MOGAT2: variants seen among roughly 807,000 people sequenced by gnomAD.
MOGAT2 encodes the protein 2-acylglycerol O-acyltransferase 2.
A neutral mutation model predicts 31.5 loss-of-function variants in MOGAT2; 27 were observed. That is an observed-to-expected ratio of 0.86 (90% confidence interval 0.63 to 1.18). The LOEUF (loss-of-function observed/expected upper bound fraction) is 1.18. Among genes scored for constraint, MOGAT2 ranks in the 50% most tolerant of loss-of-function variants. The pLI is 0.00. For missense variants in MOGAT2, 436 were observed against 433.2 expected (o/e 1.01, Z -0.06); for synonymous variants, 163 against 170.0 (o/e 0.96, Z 0.32).
chr11:75,721,313 C>A (rs752457389), intron 2 of MOGAT2, among the ~76,000 whole-genome samples: 1 of 151,564 alleles, frequency 6.6e-6, no homozygotes. Context: ...GATGGAGTCT[C>A]GCTCTGTCAC....
At chr11:75,729,379 A>T (rs1320601377) in intron 5 of MOGAT2, among the ~76,000 whole-genome samples, 3 of 151,996 alleles carry the variant, frequency 2.0e-5, no homozygotes, top group Non-Finnish European at 2.9e-5. Context: ...GGTTCAAGAG[A>T]TTCTCATGCC....
intron 5 of MOGAT2, 64 bp from the exon 6 acceptor site, chr11:75,731,068 G>T: frequency 6.8e-7 from 1 of 1,464,832 alleles, no homozygotes; most frequent in Non-Finnish European, 9.4e-7. Context: ...AACCATGGGG[G>T]TGGGCACCTG....
At chr11:75,729,129 A>C (rs1277304364) in intron 5 of MOGAT2, 140 bp downstream of exon 5, 1 of 769,868 alleles carries the variant, frequency 1.3e-6, no homozygotes, top group Admixed American at 2.4e-5. Context: ...TACACACACA[A>C]GCAGATAGAA....
Position 75,727,617 on chromosome 11 carries a change from C to T in MOGAT2, c.453C>T (p.Phe151=), listed in dbSNP as rs755382086. The T allele has an allele frequency of 6.2e-7, 1 of 1,614,072 alleles. No individual in the cohort carries two copies. Among genetic ancestry groups the T allele is most frequent in the Non-Finnish European group, 8.5e-7 (1 of 1,179,980 alleles). Residue 151 remains phenylalanine (F), a synonymous_variant, in exon 3 of 6, where the codon TTC becomes TTT. Transcript: ENST00000198801. The part of the protein sequence containing the change: ...MLTLWFRAPF[F]RDYIMSAGLV... ...CCTTGTGGTTCCGGGCCCCCTTCTT[C>T]AGAGATTACATCATGTCTGCAGGTG...
At chr11:75,727,737 G>A in intron 3 of MOGAT2, 98 bp downstream of exon 3, 1 of 1,293,762 alleles carries the variant, frequency 7.7e-7, no homozygotes, top group Non-Finnish European at 1.1e-6. Context: ...TGCAGTAGGA[G>A]AAGGAGGCTA....
chr11:75,728,940 C>A lies in MOGAT2; in HGVS notation c.801C>A (p.Phe267Leu), dbSNP rs747820873. ...CACTCTTTCATGGCCGTGGTGTCTT[C>A]CAGTACAGCTTTGGTTTAATACCCT... Reference protein sequence around the residue: ...SLPLFHGRGVFQYSFGLIPYR... With the variant: ...SLPLFHGRGVLQYSFGLIPYR... The change falls in exon 5 of 6, where the codon TTC becomes TTA. Residue 267 changes from phenylalanine (F) to leucine (L), a missense_variant. Coordinates refer to ENST00000198801, the MANE Select transcript of MOGAT2 (RefSeq NM_025098.4). The A allele has an allele frequency of 6.2e-7, 1 of 1,614,164 alleles. No individual in the cohort carries two copies. Among genetic ancestry groups the A allele is most frequent in the South Asian group, 1.1e-5 (1 of 91,078 alleles).
At chr11:75,722,821 A>G (rs1391014375) in intron 2 of MOGAT2, among the ~76,000 whole-genome samples, 1 of 152,186 alleles carries the variant, frequency 6.6e-6, no homozygotes, top group East Asian at 1.9e-4. Flanking sequence ...CTACCCTATC[A>G]ACGTCCGTCC....
chr11:75,718,326 G>A (rs2135729446), intron 1 of MOGAT2, among the ~76,000 whole-genome samples: 1 of 152,346 alleles, frequency 6.6e-6, no homozygotes, highest in South Asian at 2.1e-4. Flanking sequence ...TCTGCAGCCT[G>A]CTCAGAGAGG....
Position 75,731,452 on chromosome 11 carries a change from G to C in MOGAT2, c.*166G>C. ...GCAGGCAATGCAGAAGAGGAGACCA[G>C]ACCAAGGGGTCAGCTGGGGCTAGGA... On this transcript the variant is annotated 3_prime_UTR_variant, in exon 6 of 6. Coordinates refer to ENST00000198801, the MANE Select transcript of MOGAT2 (RefSeq NM_025098.4). 1 of 723,074 alleles carries C rather than the reference G, an allele frequency of 1.4e-6. No homozygotes were observed. Among genetic ancestry groups the C allele is most frequent in the Non-Finnish European group, 2.1e-6 (1 of 485,094 alleles). The allele number at this position is 723,074 out of a possible 1,614,324, so 44.8% of individuals were successfully genotyped here. A position where few individuals can be genotyped will look rare whatever the true frequency, so the allele number is the denominator to read the frequency against.
chr11:75,725,520 C>G (rs768784973), intron 2 of MOGAT2, among the ~76,000 whole-genome samples: 34 of 150,742 alleles, frequency 2.3e-4, no homozygotes, highest in Non-Finnish European at 3.7e-4. Context: ...TGCACTCCAG[C>G]CTGGGCAACA....
At chr11:75,722,741 A>G (rs1944386559) in intron 2 of MOGAT2, among the ~76,000 whole-genome samples, 3 of 152,232 alleles carry the variant, frequency 2.0e-5, no homozygotes, top group African/African-American at 4.8e-5. Flanking sequence ...AAAGGACAGC[A>G]TCTGGCCCTC....
rs144261095 is a variant in MOGAT2, at chr11:75,731,544, A to T, written c.*258A>T. 6.6e-4 allele frequency: 260 copies of T among 391,092 alleles called. 2 individuals are homozygous for T. The highest frequency in any genetic ancestry group is 1.8e-3 in the Admixed American group (43 of 24,474). The allele number at this position is 391,092 out of a possible 1,614,324, so 24.2% of individuals were successfully genotyped here. A position where few individuals can be genotyped will look rare whatever the true frequency, so the allele number is the denominator to read the frequency against. The stretch of plus-strand genomic sequence containing the variant: ...GGACACTGGGCCCCTCTCTATATTG[A>T]GTGGTCTGTTAACATTCATTGGTGG... On this transcript the variant is annotated 3_prime_UTR_variant, in exon 6 of 6. Coordinates refer to ENST00000198801, the MANE Select transcript of MOGAT2 (RefSeq NM_025098.4).
Position 75,728,056 on chromosome 11 carries a change from G to A in MOGAT2, c.562G>A (p.Ala188Thr), listed in dbSNP as rs768332592. The stretch of plus-strand genomic sequence containing the variant: ...CTTGCTGGGCATCATTGTAGGGGGT[G>A]CCCAGGAGGCCCTGGATGCCAGGCC... Reference protein sequence around the residue: ...GNLLGIIVGGAQEALDARPGS... With the variant: ...GNLLGIIVGGTQEALDARPGS... Residue 188 changes from alanine to threonine, a missense_variant, in exon 4 of 6, where the codon GCC (alanine) becomes ACC (threonine). Ala to Thr is a moderately conservative substitution (Grantham distance 58). Coordinates refer to ENST00000198801, the MANE Select transcript of MOGAT2 (RefSeq NM_025098.4). 1.9e-6 allele frequency: 3 copies of A among 1,614,034 alleles called. No individual in the cohort carries two copies. Among genetic ancestry groups the A allele is most frequent in the African/African-American group, 1.3e-5 (1 of 74,924 alleles).
At chr11:75,729,086 C>G in intron 5 of MOGAT2, 97 bp downstream of exon 5, 1 of 1,122,532 alleles carries the variant, frequency 8.9e-7, no homozygotes, top group Non-Finnish European at 1.3e-6. Flanking sequence ...TTATTCCTGC[C>G]CTAATGGGGC....
intron 2 of MOGAT2, among the ~76,000 whole-genome samples, chr11:75,726,790 C>T (rs559211683): frequency 6.7e-6 from 1 of 149,240 alleles, no homozygotes; most frequent in South Asian, 2.1e-4. Context: ...CCTCTGCCTC[C>T]TGGGTTCAAG....
rs1396813333 is a variant in MOGAT2 at position 75,728,964 on chromosome 11, C to T, written c.825C>T (p.Pro275=). Residue 275 remains proline, a synonymous_variant, in exon 5 of 6, where the codon CCC becomes CCT. Transcript: ENST00000198801. ...GVFQYSFGLI[P]YRRPITTVVG... The stretch of plus-strand genomic sequence containing the variant: ...TCCAGTACAGCTTTGGTTTAATACC[C>T]TACCGCCGGCCCATCACCACTGTGG... 3.7e-6 allele frequency: 6 copies of T among 1,613,796 alleles called. No homozygotes were observed. The highest frequency in any genetic ancestry group is 5.1e-6 in the Non-Finnish European group (6 of 1,180,038).
chr11:75,729,713 A>G (rs1944456869), intron 5 of MOGAT2, among the ~76,000 whole-genome samples: 3 of 150,886 alleles, frequency 2.0e-5, no homozygotes, highest in Admixed American at 1.3e-4. Context: ...CTGACTTTTT[A>G]CAATGCCAGA....
At position 75,727,538 on chromosome 11, in the gene MOGAT2, G is replaced by T. The variant is rs1319977812; in HGVS notation, c.374G>T (p.Ser125Ile). 6.2e-7 allele frequency: 1 copy of T among 1,614,058 alleles called. No homozygotes were observed. Among genetic ancestry groups the T allele is most frequent in the Non-Finnish European group, 8.5e-7 (1 of 1,180,036 alleles). ...VGAFANLCTE[S>I]TGFSSIFPGI... Reference sequence around the variant, plus strand: ...GCCTTTGCCAACCTGTGCACTGAGAGCACAGGCTTCTCTTCGATCTTCCCC... The same window carrying T: ...GCCTTTGCCAACCTGTGCACTGAGATCACAGGCTTCTCTTCGATCTTCCCC... Residue 125 changes from serine (S) to isoleucine (I), a missense_variant, in exon 3 of 6, where the codon AGC (serine) becomes ATC (isoleucine). Ser to Ile is a moderately radical substitution (Grantham distance 142). Transcript: ENST00000198801.
At chr11:75,728,689 C>A in intron 4 of MOGAT2, 101 bp from the exon 5 acceptor site, 1 of 1,029,456 alleles carries the variant, frequency 9.7e-7, no homozygotes, top group Non-Finnish European at 1.5e-6. Context: ...ACCTCTGCTC[C>A]ATTTCTTGGT....
Sources: gnomAD v4.1 joint callset for allele counts (sites outside exome capture counted in the v4.1 genomes callset) on GRCh38, gnomAD v4.1.1 for gene constraint, MANE v1.5 for transcripts, NCBI Gene and HGNC (gene_info 2026-07-23, HGNC 2026-07-21) for gene names.